DORIP1: variants seen among roughly 807,000 people sequenced by gnomAD.
The protein encoded by DORIP1 is dopamine receptor-interacting protein 1.
the DORIP1 span, among the ~76,000 whole-genome samples, chr14:44,902,540 G>C: frequency 1.3e-5 from 2 of 151,986 alleles, no homozygotes; most frequent in African/African-American, 4.8e-5. Context: ...GTGTTGCCCA[G>C]GTTGGTCTCA....
the DORIP1 span, among the ~76,000 whole-genome samples, chr14:44,902,080 C>T: frequency 6.6e-6 from 1 of 152,120 alleles, no homozygotes; most frequent in Non-Finnish European, 1.5e-5. Context: ...TATCACATAC[C>T]CTAATTTGTT....
the DORIP1 span, among the ~76,000 whole-genome samples, chr14:44,902,157 G>A: frequency 6.6e-6 from 1 of 152,060 alleles, no homozygotes; most frequent in Non-Finnish European, 1.5e-5. Flanking sequence ...ATCAATCAAT[G>A]GAAATAATTA....
At chr14:44,902,023 A>G in the DORIP1 span, among the ~76,000 whole-genome samples, 3 of 152,214 alleles carry the variant, frequency 2.0e-5, no homozygotes, top group Non-Finnish European at 4.4e-5. Flanking sequence ...ATTTGGCCCT[A>G]TGGTCCAGAA....
At chr14:44,902,960 TTATCA>T in the DORIP1 span, among the ~76,000 whole-genome samples, 3 of 152,170 alleles carry the variant, frequency 2.0e-5, no homozygotes, top group Non-Finnish European at 4.4e-5. Flanking sequence ...ATGTTTTAAA[TTATCA>T]TAGCAGCAAC....
At chr14:44,901,628 A>G in the DORIP1 span, among the ~76,000 whole-genome samples, 1 of 152,228 alleles carries the variant, frequency 6.6e-6, no homozygotes, top group African/African-American at 2.4e-5. Context: ...AAGAGCGCTT[A>G]ATACTGTTTT....
the DORIP1 span, chr14:44,903,678 T>A: frequency 2.0e-5 from 20 of 984,458 alleles, no homozygotes; most frequent in Non-Finnish European, 2.2e-5. Flanking sequence ...TTCATCCCAA[T>A]CTCTTAAAAT....
chr14:44,906,737 A>T, the DORIP1 span: 3 of 152,708 alleles, frequency 2.0e-5, no homozygotes, highest in East Asian at 5.8e-4. Flanking sequence ...TAGTTGCAAT[A>T]TATTTAGAAG....
chr14:44,904,144 T>G, the DORIP1 span: 6 of 985,170 alleles, frequency 6.1e-6, no homozygotes, highest in Admixed American at 6.2e-5. Context: ...TTTCATAGGC[T>G]TATACAGAAA....
chr14:44,904,315 AG>A, the DORIP1 span: 1 of 1,508,710 alleles, frequency 6.6e-7, no homozygotes, highest in South Asian at 1.5e-5. Flanking sequence ...AGAAAATTAA[AG>A]TCATAAAGAC....
chr14:44,900,604 T>G, the DORIP1 span: 1 of 1,610,040 alleles, frequency 6.2e-7, no homozygotes, highest in Non-Finnish European at 8.5e-7. Context: ...GAAAAATACC[T>G]GCACCATAGA....
chr14:44,906,142 T>C, the DORIP1 span: 3 of 151,436 alleles, frequency 2.0e-5, no homozygotes, highest in Non-Finnish European at 4.4e-5. Context: ...ACTATTTCTT[T>C]ATAATGGCAA....
chr14:44,900,273 G>A, the DORIP1 span: 2 of 533,116 alleles, frequency 3.8e-6, no homozygotes, highest in East Asian at 6.6e-5. Context: ...CATGCATAGT[G>A]CGCGAAAAGT....
At chr14:44,905,344 A>G in the DORIP1 span, 1 of 1,415,270 alleles carries the variant, frequency 7.1e-7, no homozygotes. Flanking sequence ...ATTTTCTCTC[A>G]TACTATATTA....
the DORIP1 span, chr14:44,900,821 T>C: frequency 1.9e-6 from 3 of 1,614,088 alleles, no homozygotes; most frequent in Non-Finnish European, 2.5e-6. Context: ...TCATTAATAA[T>C]TGATTTGTTT....
the DORIP1 span, chr14:44,901,055 A>G: frequency 8.1e-7 from 1 of 1,235,020 alleles, no homozygotes; most frequent in Non-Finnish European, 1.1e-6. Context: ...CATTTGGGTC[A>G]ACAAAGGACC....
the DORIP1 span, among the ~76,000 whole-genome samples, chr14:44,898,008 A>G: frequency 2.6e-5 from 4 of 152,150 alleles, no homozygotes; most frequent in Non-Finnish European, 5.9e-5. Flanking sequence ...TGGGGTACCA[A>G]TTTCCTCCCT....
the DORIP1 span, chr14:44,906,173 A>T: frequency 6.6e-6 from 1 of 151,744 alleles, no homozygotes; most frequent in South Asian, 2.1e-4. Context: ...ACTACTTCCT[A>T]AAGTATTATA....
At chr14:44,903,526 C>A in the DORIP1 span, 4 of 1,112,464 alleles carry the variant, frequency 3.6e-6, no homozygotes, top group Non-Finnish European at 4.4e-6. Flanking sequence ...TGAGTAGGTA[C>A]AATAAAACCT....
At chr14:44,903,597 C>G in the DORIP1 span, 18 of 1,024,096 alleles carry the variant, frequency 1.8e-5, no homozygotes, top group Non-Finnish European at 2.1e-5. Context: ...TCTGCACTCT[C>G]CATTTAGGAG....
Sources: allele counts gnomAD v4.1 joint callset (sites outside exome capture counted in the v4.1 genomes callset), GRCh38; gene constraint gnomAD v4.1.1; transcripts MANE v1.5; gene names NCBI Gene and HGNC (gene_info 2026-07-23, HGNC 2026-07-21).